The following SRP68 variants were observed in gnomAD, a reference collection of about 807,000 sequenced individuals.
The protein encoded by SRP68 is signal recognition particle subunit SRP68.
SRP68 carries 15 observed loss-of-function variants against 82.2 expected under a neutral mutation model. That is an observed-to-expected ratio of 0.18 (90% confidence interval 0.12 to 0.28). The LOEUF (loss-of-function observed/expected upper bound fraction) is 0.28. SRP68 is among the 10% of genes least tolerant of loss of function. SRP68 has a pLI of 1.00. For missense variants in SRP68, 595 were observed against 780.5 expected, an observed-to-expected ratio of 0.76 and a Z score of 2.83; for synonymous variants, 261 against 292.6, an observed-to-expected ratio of 0.89 and a Z score of 1.10.
chr17:76,052,547 G>A (rs1259828567), intron 8 of SRP68, among the ~76,000 whole-genome samples: 3 of 152,178 alleles, frequency 2.0e-5, no homozygotes, highest in Admixed American at 1.3e-4. Flanking sequence ...GCTCACGCCT[G>A]TAATCCCAGC....
chr17:76,063,732 A>C (rs2066786710), intron 4 of SRP68, among the ~76,000 whole-genome samples: 1 of 151,912 alleles, frequency 6.6e-6, no homozygotes, highest in South Asian at 2.1e-4. Context: ...AAAAACCAAG[A>C]GCTTGGGAAT....
In SRP68 at chr17:76,039,191, G is replaced by T; in HGVS notation, c.*515C>A. The stretch of plus-strand genomic sequence containing the variant: ...CTTCTAAAAATAGAGCTCTCTGCTT[G>T]TCTGAAACTTCTTAGCGTTCACTGG... On this transcript the variant is annotated 3_prime_UTR_variant, in exon 16 of 16. Transcript: ENST00000307877. 2.8e-6 allele frequency: 1 copy of T among 352,570 alleles called. No homozygotes were observed. Among genetic ancestry groups the T allele is most frequent in the Non-Finnish European group, 5.7e-6 (1 of 174,226 alleles). 21.8% of individuals were successfully genotyped at this position (352,570 alleles called of 1,614,324 possible).
chr17:76,050,743 T>TTTTTTTTTTTTTTGAG (rs1555628151), intron 8 of SRP68, among the ~76,000 whole-genome samples: 1 of 147,406 alleles, frequency 6.8e-6, no homozygotes, highest in East Asian at 2.0e-4. Flanking sequence ...GTTCTATTTT[T>TTTTTTTTTTTTTTGAG]AAAAGCAAAC....
rs751466232 is a variant in SRP68, at chr17:76,043,678, G to C, written c.1524+151C>G. 1.3e-4 allele frequency: 91 copies of C among 679,676 alleles called. 1 individual carries two copies. The highest frequency in any genetic ancestry group is 1.9e-4 in the Non-Finnish European group (85 of 442,378). 42.1% of individuals were successfully genotyped at this position (679,676 alleles called of 1,614,324 possible). A position where few individuals can be genotyped will look rare whatever the true frequency, so the allele number is the denominator to read the frequency against. ...ACAGCCATGAGTGACACAGCCTGCAGCTCCTGGGCAGTCAGGGCTACACCA... is the reference window on the plus strand; with the variant it reads ...ACAGCCATGAGTGACACAGCCTGCACCTCCTGGGCAGTCAGGGCTACACCA... On this transcript the variant is annotated intron_variant, in intron 13 of 15. Coordinates refer to ENST00000307877, the MANE Select transcript of SRP68 (RefSeq NM_014230.4).
chr17:76,052,893 G>A (rs2066684928), intron 8 of SRP68, among the ~76,000 whole-genome samples: 1 of 147,528 alleles, frequency 6.8e-6, no homozygotes, highest in Non-Finnish European at 1.5e-5. Context: ...AAACCTGCAT[G>A]TTCTGCACAT....
intron 8 of SRP68, among the ~76,000 whole-genome samples, chr17:76,056,504 A>G (rs2066714725): frequency 1.3e-5 from 2 of 152,240 alleles, no homozygotes; most frequent in Admixed American, 1.3e-4. Context: ...CTGTCCTTTA[A>G]GCAAATAAAA....
Position 76,045,305 on chromosome 17 carries a change from A to G in SRP68, c.1381T>C (p.Phe461Leu). 6.2e-7 allele frequency: 1 copy of G among 1,613,568 alleles called. No individual in the cohort carries two copies. ...QKEIGLKTLV[F>L]KAYRCFFIAQ... ...ATGGGACGTTACCTGTAAGCTTTGA[A>G]CACCAGAGTCTTGAGGCCTATCTCT... Residue 461 changes from phenylalanine to leucine, a missense_variant, in exon 12 of 16, where the codon TTC becomes CTC. Around this residue, in one of 2 missense-constraint regions of SRP68, gnomAD observed 495 missense variants for 688.6 expected, o/e 0.72. Transcript: ENST00000307877.
intron 12 of SRP68, 59 bp downstream of exon 12, chr17:76,045,233 T>C: frequency 7.3e-7 from 1 of 1,362,658 alleles, no homozygotes; most frequent in South Asian, 1.2e-5. Flanking sequence ...TGGGTCATGC[T>C]CCCAATGCTT....
intron 12 of SRP68, 109 bp from the exon 13 acceptor site, chr17:76,044,067 C>G (rs545963497): frequency 1.6e-4 from 210 of 1,284,944 alleles, no homozygotes; most frequent in Non-Finnish European, 2.0e-4. Flanking sequence ...GGTTTCTTAA[C>G]GTGGGATCAC....
rs2066664404 is a variant in SRP68, at chr17:76,050,519, C to A, written c.986G>T (p.Ser329Ile). 1 of 1,613,016 alleles carries A rather than the reference C, an allele frequency of 6.2e-7. No homozygotes were observed. The highest frequency in any genetic ancestry group is 1.3e-5 in the African/African-American group (1 of 74,790). The change falls in exon 9 of 16, where the codon AGC (serine) becomes ATC (isoleucine). Residue 329 changes from serine to isoleucine, a missense_variant. Physicochemically the swap from Ser to Ile is moderately radical, Grantham distance 142. Coordinates refer to ENST00000307877, the MANE Select transcript of SRP68 (RefSeq NM_014230.4). ...DNEAAIVQAE[S>I]EETKERLFES... is the part of the protein sequence containing the mutation. ...AAACAGGCGCTCCTTAGTTTCTTCG[C>A]TTTCAGCCTAAACAAGGGCAGATCA...
In SRP68 at chr17:76,039,772, C is replaced by G. The variant is rs1011402533; in HGVS notation, c.1818G>C (p.Lys606Asn). 1.2e-6 allele frequency: 2 copies of G among 1,614,100 alleles called. No individual in the cohort carries two copies. The highest frequency in any genetic ancestry group is 1.7e-6 in the Non-Finnish European group (2 of 1,180,052). Residue 606 changes from lysine to asparagine, a missense_variant, in exon 16 of 16, where the codon AAG (lysine) becomes AAC (asparagine). By Grantham distance (94) the Lys-to-Asn change is moderately conservative. This residue lies in a region of SRP68 where 495 missense variants were observed against 688.6 expected (regional missense o/e 0.72). Coordinates refer to ENST00000307877, the MANE Select transcript of SRP68 (RefSeq NM_014230.4). ...NHVAFPPLED[K>N]LEQKTKSGLT... ...GGCCACTCTTGGTCTTCTGTTCCAA[C>G]TTGTCCTCAAGGGGTGGGAAAGCCA...
intron 8 of SRP68, among the ~76,000 whole-genome samples, chr17:76,054,483 G>A (rs2665975): frequency 6.7e-6 from 1 of 149,894 alleles, no homozygotes. Flanking sequence ...AATATACATT[G>A]TTTTTTAAGA....
intron 8 of SRP68, among the ~76,000 whole-genome samples, chr17:76,054,754 C>T (rs530022502): frequency 2.0e-5 from 3 of 151,352 alleles, no homozygotes; most frequent in South Asian, 2.1e-4. Flanking sequence ...ACCCGGGACA[C>T]GGAGGTTGCA....
chr17:76,072,148 A>C lies in SRP68; in HGVS notation c.184+160T>G, dbSNP rs1289072472. On this transcript the variant is annotated intron_variant, in intron 1 of 15. Coordinates refer to ENST00000307877, the MANE Select transcript of SRP68 (RefSeq NM_014230.4). The surrounding 1 kb of genome is among the most constrained non-coding windows in gnomAD (Gnocchi z 4.5). Reference sequence around the variant, plus strand: ...CGAGGAAAGACTAGTCGAGAGACAGACCCCCCCCGGAATTCTGAGCACCAA... The same window carrying C: ...CGAGGAAAGACTAGTCGAGAGACAGCCCCCCCCCGGAATTCTGAGCACCAA... 1.8e-4 allele frequency: 233 copies of C among 1,264,014 alleles called. 1 individual carries two copies. Among genetic ancestry groups the C allele is most frequent in the Middle Eastern group, 2.6e-4 (1 of 3,920 alleles). 78.3% of individuals were successfully genotyped at this position (1,264,014 alleles called of 1,614,324 possible). A position where few individuals can be genotyped will look rare whatever the true frequency, so the allele number is the denominator to read the frequency against.
intron 13 of SRP68, 46 bp downstream of exon 13, chr17:76,043,783 C>T: frequency 6.5e-7 from 1 of 1,543,780 alleles, no homozygotes; most frequent in Non-Finnish European, 8.7e-7. Context: ...ACAGCTGACT[C>T]CATAACCTGC....
intron 11 of SRP68, 29 bp downstream of exon 11, chr17:76,046,009 C>G (rs773450709): frequency 1.2e-6 from 2 of 1,612,822 alleles, no homozygotes; most frequent in African/African-American, 2.7e-5. Flanking sequence ...AAACCACAGG[C>G]CCTTGCCTTC....
rs561182989 is a variant in SRP68, at chr17:76,057,141, C to T, written c.978+262G>A. On this transcript the variant is annotated intron_variant, in intron 8 of 15. Transcript: ENST00000307877. The stretch of plus-strand genomic sequence containing the variant: ...GCCAAATGTGACCCCTTACTTTAAG[C>T]CAGCCTCTAATGCCTCCCATTTTTA... Among the ~76,000 whole-genome samples, 4 of 152,314 alleles carry T rather than the reference C, an allele frequency of 2.6e-5. No individual in the cohort carries two copies. In the South Asian group the frequency reaches 8.3e-4, roughly 32 times the overall value.
chr17:76,054,695 C>A (rs899385909), intron 8 of SRP68, among the ~76,000 whole-genome samples: 1 of 151,758 alleles, frequency 6.6e-6, no homozygotes, highest in South Asian at 2.1e-4. Flanking sequence ...TGGTGGTATG[C>A]GCCTGTAATC....
intron 4 of SRP68, among the ~76,000 whole-genome samples, chr17:76,062,753 A>ATTATACAATATATTATATTTATTT (rs2066775697): frequency 1.3e-5 from 1 of 77,212 alleles, no homozygotes; most frequent in African/African-American, 5.9e-5. Flanking sequence ...ATATATATAT[A>ATTATACAATATATTATATTTATTT]TATATATATA....
Sources: allele counts gnomAD v4.1 joint callset (sites outside exome capture counted in the v4.1 genomes callset), GRCh38; gene constraint gnomAD v4.1.1; regional missense constraint gnomAD v4.1.1; non-coding constraint Gnocchi (gnomAD v3.1); transcripts MANE v1.5; gene names NCBI Gene and HGNC (gene_info 2026-07-23, HGNC 2026-07-21).